Variants in ZNF280D observed in about 807,000 individuals in gnomAD.
ZNF280D encodes suppressor of hairy wing homolog 4.
A neutral mutation model predicts 94.7 loss-of-function variants in ZNF280D; 39 were observed. That is an observed-to-expected ratio of 0.41 (90% CI 0.32 to 0.54). The LOEUF (loss-of-function observed/expected upper bound fraction) is 0.54. Among genes scored for constraint, ZNF280D ranks in the 20% least tolerant of loss-of-function variants. The pLI, the probability that ZNF280D is intolerant of heterozygous loss-of-function variation, is 0.22. For missense variants in ZNF280D, 1,090 were observed against 1,149.3 expected (o/e 0.95, Z 0.75); for synonymous variants, 398 against 377.6 (o/e 1.05, Z -0.63).
chr15:56,650,783 G>C lies in ZNF280D; in HGVS notation c.2213+3415C>G, dbSNP rs374552677. On this transcript the variant is annotated intron_variant, in intron 19 of 21. Coordinates refer to ENST00000267807, the MANE Select transcript of ZNF280D (RefSeq NM_017661.4). ...TATTTTGTTATAATTCATCCATCCA[G>C]GTAGATATACAAGAAAACAGAGGAG... 7.0e-4 allele frequency among the ~76,000 whole-genome samples: 106 copies of C among 152,118 alleles called. 1 individual carries two copies. Among genetic ancestry groups the C allele is most frequent in the African/African-American group, 2.4e-3 (100 of 41,516 alleles).
intron 19 of ZNF280D, chr15:56,653,563 C>G (rs1471914071): frequency 6.6e-7 from 1 of 1,511,732 alleles, no homozygotes; most frequent in South Asian, 1.2e-5. Context: ...CAGGTATACC[C>G]TGGATATTTT....
chr15:56,733,322 G>T, intron 1 of ZNF280D, 136 bp downstream of exon 1: 1 of 373,006 alleles, frequency 2.7e-6, no homozygotes, highest in Non-Finnish European at 3.7e-6. Flanking sequence ...CCTCCCCCGC[G>T]CTCTGGGCGC....
intron 6 of ZNF280D, among the ~76,000 whole-genome samples, chr15:56,695,758 G>A (rs998788267): frequency 2.0e-5 from 3 of 151,728 alleles, no homozygotes; most frequent in Non-Finnish European, 4.4e-5. Flanking sequence ...TACATCTCTT[G>A]ACCTTGTGAT....
chr15:56,696,903 G>A (rs988999212), intron 6 of ZNF280D, among the ~76,000 whole-genome samples: 5 of 152,174 alleles, frequency 3.3e-5, no homozygotes, highest in African/African-American at 1.2e-4. Context: ...TAAAAACTAT[G>A]CCCAAAACAT....
chr15:56,705,793 G>A (rs560355390), intron 3 of ZNF280D, among the ~76,000 whole-genome samples: 1 of 151,966 alleles, frequency 6.6e-6, no homozygotes, highest in South Asian at 2.1e-4. Flanking sequence ...AATTTTATAT[G>A]TCTAACGTCA....
intron 21 of ZNF280D, chr15:56,634,156 T>A (rs1023918359): frequency 6.6e-6 from 1 of 152,180 alleles, no homozygotes; most frequent in Non-Finnish European, 1.5e-5. Flanking sequence ...CTGTCCACTA[T>A]ATTTTGTAAT....
intron 1 of ZNF280D, among the ~76,000 whole-genome samples, chr15:56,723,904 T>C (rs1345521629): frequency 6.6e-6 from 1 of 152,188 alleles, no homozygotes; most frequent in Non-Finnish European, 1.5e-5. Flanking sequence ...CATCACAGCT[T>C]AGTCTAACTT....
At chr15:56,657,904 A>G (rs1566943467) in intron 17 of ZNF280D, among the ~76,000 whole-genome samples, 1 of 152,180 alleles carries the variant, frequency 6.6e-6, no homozygotes, top group South Asian at 2.1e-4. Context: ...ACATGTCCAT[A>G]CAAAAACATG....
At chr15:56,641,449 AATC>A (rs1376042114) in intron 20 of ZNF280D, among the ~76,000 whole-genome samples, 1 of 151,982 alleles carries the variant, frequency 6.6e-6, no homozygotes, top group African/African-American at 2.4e-5. Flanking sequence ...AATATTTGAT[AATC>A]ATCTTTAATT....
At chr15:56,689,185 T>G (rs780247041) in intron 8 of ZNF280D, 35 bp from the exon 9 acceptor site, 12 of 1,580,988 alleles carry the variant, frequency 7.6e-6, no homozygotes, top group Non-Finnish European at 9.5e-6. Flanking sequence ...GACTCAAAAT[T>G]CATCACTTTT....
chr15:56,720,677 C>T (rs2058308206), intron 1 of ZNF280D, among the ~76,000 whole-genome samples: 1 of 152,084 alleles, frequency 6.6e-6, no homozygotes, highest in Admixed American at 6.5e-5. Flanking sequence ...TGAAATGACT[C>T]CTTGACCCAT....
intron 1 of ZNF280D, among the ~76,000 whole-genome samples, chr15:56,716,654 G>A (rs1157852432): frequency 6.6e-6 from 1 of 152,074 alleles, no homozygotes; most frequent in African/African-American, 2.4e-5. Context: ...GATTTTAAGT[G>A]GGGACTGATG....
At chr15:56,716,949 C>G (rs890368875) in intron 1 of ZNF280D, among the ~76,000 whole-genome samples, 1 of 152,078 alleles carries the variant, frequency 6.6e-6, no homozygotes, top group African/African-American at 2.4e-5. Context: ...TTGATTCTAT[C>G]CTCATAAAGG....
intron 1 of ZNF280D, among the ~76,000 whole-genome samples, chr15:56,708,871 A>G (rs1458093156): frequency 6.6e-6 from 1 of 152,190 alleles, no homozygotes; most frequent in East Asian, 1.9e-4. Flanking sequence ...GATGGATTAA[A>G]GACTTAAATG....
In ZNF280D at chr15:56,709,452, G is replaced by A. The variant is rs192522273; in HGVS notation, c.-85-2146C>T. ...CAACCATTGTGGAAGACAGTGTGGCGATTCCTCAAGGATCTAGTACTAGAA... is the reference window on the plus strand; with the variant it reads ...CAACCATTGTGGAAGACAGTGTGGCAATTCCTCAAGGATCTAGTACTAGAA... On this transcript the variant is annotated intron_variant, in intron 1 of 21. Coordinates refer to ENST00000267807, the MANE Select transcript of ZNF280D (RefSeq NM_017661.4). Among the ~76,000 whole-genome samples the A allele has an allele frequency of 6.3e-4, 96 of 152,230 alleles. 1 individual carries two copies. The highest frequency in any genetic ancestry group is 6.8e-3 in the Middle Eastern group (2 of 294).
chr15:56,634,441 G>A (rs1425783316), intron 21 of ZNF280D, among the ~76,000 whole-genome samples: 1 of 151,902 alleles, frequency 6.6e-6, no homozygotes. Context: ...ATTCCCCCAA[G>A]AACTTACAAA....
chr15:56,710,859 G>C (rs571517965), intron 1 of ZNF280D, among the ~76,000 whole-genome samples: 7 of 151,824 alleles, frequency 4.6e-5, no homozygotes, highest in Non-Finnish European at 1.0e-4. Context: ...TTTACTTTCT[G>C]ATAAGAAAAA....
At chr15:56,712,160 A>G (rs1567024825) in intron 1 of ZNF280D, among the ~76,000 whole-genome samples, 1 of 152,174 alleles carries the variant, frequency 6.6e-6, no homozygotes, top group Non-Finnish European at 1.5e-5. Context: ...CCACATTTTC[A>G]TCTTTTTAAA....
In ZNF280D at chr15:56,657,405, A is replaced by C. The variant is rs369943208; in HGVS notation, c.2057+1019T>G. Among the ~76,000 whole-genome samples, 47 of 152,294 alleles carry C rather than the reference A, an allele frequency of 3.1e-4. No homozygotes were observed. The South Asian group carries it at 7.9e-3, about 26-fold the overall frequency. On this transcript the variant is annotated intron_variant, in intron 17 of 21. Coordinates refer to ENST00000267807, the MANE Select transcript of ZNF280D (RefSeq NM_017661.4). ...AACTAAAAAAGTGTTCATTCCTTTAAGAGATAGCTTAGCTATCTTTTTAAT... is the reference window on the plus strand; with the variant it reads ...AACTAAAAAAGTGTTCATTCCTTTACGAGATAGCTTAGCTATCTTTTTAAT...
Sources: allele counts gnomAD v4.1 joint callset (sites outside exome capture counted in the v4.1 genomes callset), GRCh38; gene constraint gnomAD v4.1.1; transcripts MANE v1.5; gene names NCBI Gene and HGNC (gene_info 2026-07-23, HGNC 2026-07-21).